Variants in GAB1 observed in about 807,000 individuals in gnomAD.
GAB1 encodes the protein GRB2-associated-binding protein 1.
GAB1 carries 19 observed loss-of-function variants against 66.5 expected under a neutral mutation model. That is an observed-to-expected ratio of 0.29 (90% CI 0.20 to 0.42). The LOEUF (loss-of-function observed/expected upper bound fraction) is 0.42, where lower values mean the gene tolerates loss of function less well. GAB1 is among the 10% of genes least tolerant of loss of function. The pLI is 1.00. For synonymous variants in GAB1, 294 were observed against 301.4 expected (o/e 0.98, Z 0.25); for missense variants, 732 against 858.5 (o/e 0.85, Z 1.84).
At position 143,440,367 on chromosome 4, in the gene GAB1, A is replaced by T. The variant is rs1434581393; in HGVS notation, c.1570A>T (p.Lys524Ter). 6.2e-7 allele frequency: 1 copy of T among 1,610,630 alleles called. No homozygotes were observed. Among genetic ancestry groups the T allele is most frequent in the African/African-American group, 1.3e-5 (1 of 74,740 alleles). ...ACCACCCCCCGTGGATAGGAACCTC[A>T]AGCCAGACAGAAAAGGTAAGGAGAG... is the stretch of plus-strand genomic sequence containing the variant. ...CEPPPVDRNL[K>*]PDRKVKPAPL... Residue 524 changes from lysine (K) to a stop codon, truncating the protein, a stop_gained, in exon 6 of 10, where the codon AAG becomes TAG. Coordinates refer to ENST00000262994, the MANE Select transcript of GAB1 (RefSeq NM_002039.4). LOFTEE classifies it high-confidence loss of function.
chr4:143,360,223 T>C (rs762994512), intron 1 of GAB1, among the ~76,000 whole-genome samples: 3 of 152,218 alleles, frequency 2.0e-5, no homozygotes, highest in Non-Finnish European at 2.9e-5. Flanking sequence ...AATAATCCCA[T>C]ATATATCACA....
At chr4:143,446,718 C>T (rs376431374) in intron 6 of GAB1, among the ~76,000 whole-genome samples, 17 of 152,134 alleles carry the variant, frequency 1.1e-4, no homozygotes, top group East Asian at 9.7e-4. Flanking sequence ...GAGTAGGTTG[C>T]GAAAATTTTC....
chr4:143,371,054 G>GTA (rs781507614), intron 1 of GAB1, among the ~76,000 whole-genome samples: 1 of 152,072 alleles, frequency 6.6e-6, no homozygotes, highest in Non-Finnish European at 1.5e-5. Context: ...ATTCCTTTGG[G>GTA]TATATACCCA....
intron 2 of GAB1, among the ~76,000 whole-genome samples, chr4:143,416,179 G>T (rs2149719114): frequency 6.6e-6 from 1 of 151,924 alleles, no homozygotes; most frequent in Admixed American, 6.6e-5. Context: ...GCCGAGGCGG[G>T]TGGATCACGA....
intron 1 of GAB1, chr4:143,395,696 TAATA>T (rs1484487160): frequency 6.1e-6 from 2 of 330,180 alleles, no homozygotes; most frequent in Non-Finnish European, 1.2e-5. Flanking sequence ...AAGGGCATTA[TAATA>T]AATATGAAGT....
chr4:143,365,735 G>A (rs944257861), intron 1 of GAB1, among the ~76,000 whole-genome samples: 3 of 152,202 alleles, frequency 2.0e-5, no homozygotes, highest in Non-Finnish European at 2.9e-5. Flanking sequence ...GGGAGCTTTC[G>A]TGGCTGGCCA....
intron 6 of GAB1, among the ~76,000 whole-genome samples, chr4:143,450,333 A>G (rs756153640): frequency 1.3e-5 from 2 of 152,208 alleles, no homozygotes; most frequent in Non-Finnish European, 2.9e-5. Flanking sequence ...TACTGGAAGT[A>G]GTAGCATAAT....
At chr4:143,345,693 A>G (rs1053489411) in intron 1 of GAB1, among the ~76,000 whole-genome samples, 4 of 152,252 alleles carry the variant, frequency 2.6e-5, no homozygotes, top group Non-Finnish European at 4.4e-5. Context: ...AAGAGGGGCA[A>G]AATGTCAAAT....
At chr4:143,423,433 C>T (rs930369477) in intron 2 of GAB1, among the ~76,000 whole-genome samples, 2 of 152,046 alleles carry the variant, frequency 1.3e-5, no homozygotes, top group Non-Finnish European at 2.9e-5. Context: ...CACGGTGGCT[C>T]ACGCCAGTAA....
Position 143,337,173 on chromosome 4 carries a change from C to G in GAB1, c.-16C>G. 3 of 1,567,412 alleles carry G rather than the reference C, an allele frequency of 1.9e-6. No individual in the cohort carries two copies. The highest frequency in any genetic ancestry group is 2.3e-5 in the South Asian group (2 of 85,442). ...GCCCCTCAGCTGCCCGGCCCGGAGCCCGAGACGCGCGCACCATGAGCGGTG... is the reference window on the plus strand; with the variant it reads ...GCCCCTCAGCTGCCCGGCCCGGAGCGCGAGACGCGCGCACCATGAGCGGTG... On this transcript the variant is annotated 5_prime_UTR_variant, in exon 1 of 10. Coordinates refer to ENST00000262994, the MANE Select transcript of GAB1 (RefSeq NM_002039.4).
chr4:143,447,469 T>A (rs958483652), intron 6 of GAB1, among the ~76,000 whole-genome samples: 6 of 152,116 alleles, frequency 3.9e-5, no homozygotes, highest in African/African-American at 7.2e-5. Context: ...CTTTTATTTC[T>A]TTGAGCAGTG....
intron 1 of GAB1, among the ~76,000 whole-genome samples, chr4:143,382,642 AT>A (rs1483834208): frequency 1.3e-5 from 2 of 152,180 alleles, no homozygotes; most frequent in African/African-American, 2.4e-5. Context: ...AGTTGAGGTT[AT>A]TTTGTTGATC....
chr4:143,355,650 G>A (rs1729417322), intron 1 of GAB1, among the ~76,000 whole-genome samples: 1 of 152,088 alleles, frequency 6.6e-6, no homozygotes, highest in Non-Finnish European at 1.5e-5. Flanking sequence ...ACAGTAGTAG[G>A]AAGTTAATTA....
At position 143,377,472 on chromosome 4, in the gene GAB1, G is replaced by A. The variant is rs753527320; in HGVS notation, c.73-38005G>A. Reference sequence around the variant, plus strand: ...CTGAAAATCTGCCACTCTGCTTTTAGTATTTGAAATGCCTTGGCAGGGAGA... The same window carrying A: ...CTGAAAATCTGCCACTCTGCTTTTAATATTTGAAATGCCTTGGCAGGGAGA... On this transcript the variant is annotated intron_variant, in intron 1 of 9. Transcript: ENST00000262994. 2.3e-3 allele frequency among the ~76,000 whole-genome samples: 352 copies of A among 152,298 alleles called. 2 individuals carry two copies. Among genetic ancestry groups the A allele is most frequent in the Non-Finnish European group, 4.5e-3 (309 of 68,016 alleles).
At chr4:143,356,310 A>G (rs954910889) in intron 1 of GAB1, among the ~76,000 whole-genome samples, 1 of 152,180 alleles carries the variant, frequency 6.6e-6, no homozygotes, top group African/African-American at 2.4e-5. Context: ...AGTTATCCCT[A>G]TCTATGCAAT....
intron 1 of GAB1, among the ~76,000 whole-genome samples, chr4:143,375,137 G>A (rs933178010): frequency 3.9e-5 from 6 of 152,164 alleles, no homozygotes; most frequent in Non-Finnish European, 7.3e-5. Context: ...TACTAGAGAC[G>A]GGGTTTCACC....
At chr4:143,409,180 G>A (rs1732225075) in intron 1 of GAB1, among the ~76,000 whole-genome samples, 1 of 152,198 alleles carries the variant, frequency 6.6e-6, no homozygotes, top group African/African-American at 2.4e-5. Flanking sequence ...CAGGTCTTGA[G>A]CTAGGTCTTG....
chr4:143,404,435 G>T (rs1731937349), intron 1 of GAB1, among the ~76,000 whole-genome samples: 1 of 152,184 alleles, frequency 6.6e-6, no homozygotes, highest in Non-Finnish European at 1.5e-5. Flanking sequence ...ACTGCTTACA[G>T]TAGCATTACA....
chr4:143,468,783 C>G (rs1041521746), intron 9 of GAB1, among the ~76,000 whole-genome samples: 1 of 151,838 alleles, frequency 6.6e-6, no homozygotes, highest in South Asian at 2.1e-4. Context: ...ATTAGCCAGG[C>G]GTGGTGGCAC....
Sources: gnomAD v4.1 joint callset for allele counts (sites outside exome capture counted in the v4.1 genomes callset) on GRCh38, gnomAD v4.1.1 for gene constraint, MANE v1.5 for transcripts, NCBI Gene and HGNC (gene_info 2026-07-23, HGNC 2026-07-21) for gene names.